HMCN1: variants seen among roughly 807,000 people sequenced by gnomAD.
HMCN1 encodes the protein hemicentin-1.
HMCN1 carries 321 observed loss-of-function variants against 625.9 expected under a neutral mutation model. The ratio of observed to expected loss-of-function variants is 0.51; its 90% CI spans 0.47 to 0.56. The LOEUF (loss-of-function observed/expected upper bound fraction) is 0.56, where lower values mean the gene tolerates loss of function less well. Ranked by LOEUF, HMCN1 falls within the 20% of genes least tolerant of loss-of-function variation. The pLI is 0.00. For missense variants in HMCN1, 6,588 were observed against 6,887.3 expected (o/e 0.96, Z 1.54); for synonymous variants, 2,425 against 2,417.6 (o/e 1.00, Z -0.09).
At chr1:185,803,469 T>C (rs189189046) in intron 1 of HMCN1, among the ~76,000 whole-genome samples, 8 of 152,188 alleles carry the variant, frequency 5.3e-5, no homozygotes, top group Non-Finnish European at 7.4e-5. Context: ...CATTATTTTT[T>C]CTTCAATAGC....
intron 4 of HMCN1, among the ~76,000 whole-genome samples, chr1:185,892,529 A>C (rs1015417014): frequency 6.6e-6 from 1 of 152,272 alleles, no homozygotes; most frequent in African/African-American, 2.4e-5. Flanking sequence ...TCCTTCTAAC[A>C]GACAGGACCC....
intron 45 of HMCN1, among the ~76,000 whole-genome samples, chr1:186,056,975 GA>G (rs1657371388): frequency 6.6e-6 from 1 of 150,780 alleles, no homozygotes; most frequent in South Asian, 2.1e-4. Flanking sequence ...ATAACAATAT[GA>G]AAATAATTTA....
chr1:186,137,843 A>G lies in HMCN1; in HGVS notation c.13795A>G (p.Thr4599Ala). 1 of 1,614,098 alleles carries G rather than the reference A, an allele frequency of 6.2e-7. No individual in the cohort carries two copies. The highest frequency in any genetic ancestry group is 8.5e-7 in the Non-Finnish European group (1 of 1,179,972). The change falls in exon 89 of 107, where the codon ACA (threonine) becomes GCA (alanine). Residue 4599 changes from threonine to alanine, a missense_variant. Thr to Ala is a moderately conservative substitution (Grantham distance 58). Transcript: ENST00000271588. The stretch of plus-strand genomic sequence containing the variant: ...GGAATGGAGTCTTTGGGAAGAATGC[A>G]CAAGGAGCTGTGGACGCGGCAACCA... ...WSEWSLWEEC[T>A]RSCGRGNQTR...
intron 1 of HMCN1, among the ~76,000 whole-genome samples, chr1:185,769,423 GGTGACAGA>G (rs1656081462): frequency 6.6e-6 from 1 of 152,004 alleles, no homozygotes; most frequent in African/African-American, 2.4e-5. Flanking sequence ...TACCAGCCTG[GGTGACAGA>G]GTGAAACCCT....
chr1:185,823,770 AAAATTT>A (rs1234812213), intron 1 of HMCN1, among the ~76,000 whole-genome samples: 1 of 152,218 alleles, frequency 6.6e-6, no homozygotes, highest in African/African-American at 2.4e-5. Flanking sequence ...CTTAAGAACT[AAAATTT>A]AAACAAGAAG....
intron 6 of HMCN1, among the ~76,000 whole-genome samples, chr1:185,917,182 T>C (rs1038989948): frequency 1.4e-4 from 21 of 151,738 alleles, no homozygotes; most frequent in Non-Finnish European, 1.2e-4. Flanking sequence ...AAAATTAGGG[T>C]TTTTTTTGTT....
Position 185,734,447 on chromosome 1 carries a change from G to A in HMCN1, c.-333G>A, listed in dbSNP as rs867029006. 50 of 255,804 alleles carry A rather than the reference G, an allele frequency of 2.0e-4. No homozygotes were observed. Among genetic ancestry groups the A allele is most frequent in the Middle Eastern group, 1.2e-3 (1 of 828 alleles). 15.8% of individuals were successfully genotyped at this position (255,804 alleles called of 1,614,324 possible). On this transcript the variant is annotated 5_prime_UTR_variant, in exon 1 of 107. Transcript: ENST00000271588. ...CGGCGAGGGCAGCGGGATTCGGGCCGCGGCGCCGCAGGCTCAGAGCTGCCC... is the reference window on the plus strand; with the variant it reads ...CGGCGAGGGCAGCGGGATTCGGGCCACGGCGCCGCAGGCTCAGAGCTGCCC...
chr1:185,838,022 G>C (rs1661272987), intron 1 of HMCN1, among the ~76,000 whole-genome samples: 1 of 152,180 alleles, frequency 6.6e-6, no homozygotes, highest in African/African-American at 2.4e-5. Context: ...GATCCTCCAG[G>C]CATGGAGACT....
At chr1:186,013,822 T>G (rs1654156716) in intron 30 of HMCN1, among the ~76,000 whole-genome samples, 1 of 152,160 alleles carries the variant, frequency 6.6e-6, no homozygotes, top group Non-Finnish European at 1.5e-5. Flanking sequence ...CCAAGGCATT[T>G]AAGTTTCTGT....
intron 98 of HMCN1, 50 bp downstream of exon 98, chr1:186,165,223 T>C (rs1221615389): frequency 1.0e-5 from 15 of 1,482,318 alleles, no homozygotes; most frequent in African/African-American, 1.4e-5. Flanking sequence ...AATGTCAATA[T>C]TGGATAGCAT....
intron 11 of HMCN1, among the ~76,000 whole-genome samples, chr1:185,944,897 CTATT>C (rs1415716240): frequency 6.6e-6 from 1 of 152,144 alleles, no homozygotes; most frequent in African/African-American, 2.4e-5. Context: ...AGTATGGAAG[CTATT>C]TATGTCCGAA....
In HMCN1 at chr1:186,151,200, G is replaced by T. The variant is rs755387915; in HGVS notation, c.14609G>T (p.Gly4870Val). Residue 4870 changes from glycine to valine, a missense_variant and splice_region_variant, in exon 94 of 107, where the codon GGT (glycine) becomes GTT (valine). Transcript: ENST00000271588. ...GGAATGTTTTTTTTTCCCCCAATAG[G>T]TGGGCCCCAGCGAGCCAGAGGAAGT... Reference protein sequence around the residue: ...VTRCNVQACPGGPQRARGSVI... With the variant: ...VTRCNVQACPVGPQRARGSVI... The T allele has an allele frequency of 6.2e-7, 1 of 1,613,376 alleles. No homozygotes were observed. Among genetic ancestry groups the T allele is most frequent in the Non-Finnish European group, 8.5e-7 (1 of 1,179,668 alleles).
chr1:186,092,700 G>A (rs1659906242), intron 64 of HMCN1, among the ~76,000 whole-genome samples: 1 of 151,860 alleles, frequency 6.6e-6, no homozygotes. Flanking sequence ...CCAAATTGTT[G>A]TCACAATTTA....
intron 1 of HMCN1, among the ~76,000 whole-genome samples, chr1:185,813,049 T>A (rs974943987): frequency 6.6e-6 from 1 of 152,174 alleles, no homozygotes; most frequent in Non-Finnish European, 1.5e-5. Flanking sequence ...AATAGATACT[T>A]GTTCAACTTT....
intron 1 of HMCN1, among the ~76,000 whole-genome samples, chr1:185,747,107 A>C (rs1654460610): frequency 6.6e-6 from 1 of 152,196 alleles, no homozygotes; most frequent in Non-Finnish European, 1.5e-5. Context: ...AATTAACATT[A>C]AAAAACCAAA....
At chr1:185,973,696 A>G (rs1650993647) in intron 15 of HMCN1, among the ~76,000 whole-genome samples, 1 of 152,036 alleles carries the variant, frequency 6.6e-6, no homozygotes, top group Non-Finnish European at 1.5e-5. Flanking sequence ...AATTATGGAC[A>G]TTTCAGGTCA....
At chr1:186,117,390 A>G in intron 76 of HMCN1, 69 bp from the exon 77 acceptor site, 2 of 1,540,564 alleles carry the variant, frequency 1.3e-6, no homozygotes, top group Non-Finnish European at 1.8e-6. Context: ...ATGTATGATA[A>G]GTCTTTGGAA....
At chr1:186,006,047 A>G (rs1345330573) in intron 29 of HMCN1, among the ~76,000 whole-genome samples, 1 of 151,842 alleles carries the variant, frequency 6.6e-6, no homozygotes, top group Non-Finnish European at 1.5e-5. Flanking sequence ...GAGGCAGGAG[A>G]ATCGCTTGAA....
At chr1:186,086,501 C>T (rs990851634) in intron 58 of HMCN1, 94 bp downstream of exon 58, 46 of 1,303,958 alleles carry the variant, frequency 3.5e-5, no homozygotes, top group Middle Eastern at 2.2e-4. Flanking sequence ...AAACTTTTGT[C>T]GTGCTTCATT....
Sources: gnomAD v4.1 joint callset for allele counts (sites outside exome capture counted in the v4.1 genomes callset) on GRCh38, gnomAD v4.1.1 for gene constraint, MANE v1.5 for transcripts, NCBI Gene and HGNC (gene_info 2026-07-23, HGNC 2026-07-21) for gene names.